Variants in ELAC2 observed in about 807,000 individuals in gnomAD.
The protein encoded by ELAC2 is elaC ribonuclease Z 2, also known as zinc phosphodiesterase ELAC protein 2.
A neutral mutation model predicts 105.2 loss-of-function variants in ELAC2; 92 were observed. The observed-to-expected ratio is 0.87, with a 90% CI of 0.74 to 1.04. The LOEUF (loss-of-function observed/expected upper bound fraction) is 1.04, where lower values mean the gene tolerates loss of function less well. ELAC2 is among the 50% of genes least tolerant of loss of function. The pLI is 0.00. For missense variants in ELAC2, 1,099 were observed against 1,071.7 expected (o/e 1.03, Z -0.36); for synonymous variants, 468 against 409.1 (o/e 1.14, Z -1.74).
Position 12,995,954 on chromosome 17 carries a change from T to C in ELAC2, c.1684A>G (p.Arg562Gly), listed in dbSNP as rs1238775950. ...HTGLPSILLQ[R>G]ERALASLGKP... ...GCCACACTTACCAAGGCGCGTTCTC[T>C]CTGCAGCAAGATACTTGGCAAGCCC... The change falls in exon 18 of 24, where the codon AGA (arginine) becomes GGA (glycine). Residue 562 changes from arginine (R) to glycine (G), a missense_variant. Transcript: ENST00000338034. 2 of 1,596,686 alleles carry C rather than the reference T, an allele frequency of 1.3e-6. No individual in the cohort carries two copies. Among genetic ancestry groups the C allele is most frequent in the Non-Finnish European group, 1.7e-6 (2 of 1,170,292 alleles).
At chr17:13,013,773 G>T (rs538930961) in intron 5 of ELAC2, among the ~76,000 whole-genome samples, 15 of 152,278 alleles carry the variant, frequency 9.9e-5, no homozygotes, top group Admixed American at 3.3e-4. Context: ...TGCGCAGCTG[G>T]AGCTGCGTTT....
intron 11 of ELAC2, among the ~76,000 whole-genome samples, chr17:13,004,379 G>A (rs1237834799): frequency 6.6e-6 from 1 of 152,186 alleles, no homozygotes. Context: ...AATACAGATA[G>A]ATACAAACTA....
At chr17:12,994,330 G>A in intron 22 of ELAC2, 95 bp downstream of exon 22, 1 of 1,368,060 alleles carries the variant, frequency 7.3e-7, no homozygotes, top group South Asian at 1.2e-5. Flanking sequence ...AAGCAGGGCA[G>A]CCCCACATCA....
chr17:13,017,475 G>C (rs1407764187), intron 1 of ELAC2: 1 of 913,084 alleles, frequency 1.1e-6, no homozygotes, highest in Non-Finnish European at 1.6e-6. Context: ...GGGCCCAAGG[G>C]TTGGGAAAAG....
In ELAC2 at chr17:12,992,119, CTGATTGATT is replaced by C. The variant is rs1567735367; in HGVS notation, c.*690_*698del. On this transcript the variant is annotated 3_prime_UTR_variant, in exon 24 of 24. Transcript: ENST00000338034. ...TGACACCAGCCCAGCCAGGCTCTCA[CTGATTGATT>C]TGATTGATTGATTGATTGATTGATA... Among the ~76,000 whole-genome samples the C allele has an allele frequency of 1.4e-5, 2 of 144,540 alleles. No individual in the cohort carries two copies. Among genetic ancestry groups the C allele is most frequent in the African/African-American group, 5.1e-5 (2 of 39,522 alleles). The allele number at this position is 144,540 out of a possible 152,430, so 94.8% of individuals were successfully genotyped here.
chr17:13,005,307 C>G (rs1001576875), intron 10 of ELAC2, among the ~76,000 whole-genome samples: 2 of 152,218 alleles, frequency 1.3e-5, no homozygotes, highest in African/African-American at 4.8e-5. Flanking sequence ...TGAGGCACTT[C>G]AGGCCTACAC....
In ELAC2 at chr17:12,992,775, G is replaced by A. The variant is rs1355481825; in HGVS notation, c.*43C>T. 2 of 1,600,542 alleles carry A rather than the reference G, an allele frequency of 1.2e-6. No homozygotes were observed. The highest frequency in any genetic ancestry group is 8.6e-7 in the Non-Finnish European group (1 of 1,168,300). ...GGGCAGATACGGGTGCGTGCGTGGGGCAGAAGACACACAGCCTTCTGAGTT... is the reference window on the plus strand; with the variant it reads ...GGGCAGATACGGGTGCGTGCGTGGGACAGAAGACACACAGCCTTCTGAGTT... On this transcript the variant is annotated 3_prime_UTR_variant, in exon 24 of 24. Coordinates refer to ENST00000338034, the MANE Select transcript of ELAC2 (RefSeq NM_018127.7).
At chr17:13,013,648 G>A (rs969753932) in intron 5 of ELAC2, among the ~76,000 whole-genome samples, 8 of 152,170 alleles carry the variant, frequency 5.3e-5, no homozygotes, top group Non-Finnish European at 1.0e-4. Flanking sequence ...CAAAGTATTA[G>A]TGTTTCTATA....
intron 19 of ELAC2, 29 bp from the exon 20 acceptor site, chr17:12,995,091 TAATA>T: frequency 6.2e-7 from 1 of 1,611,074 alleles, no homozygotes; most frequent in South Asian, 1.1e-5. Flanking sequence ...TTTAAAATGA[TAATA>T]AACGTTTCTT....
intron 10 of ELAC2, 102 bp downstream of exon 10, chr17:13,005,651 G>A (rs1001901673): frequency 7.8e-5 from 92 of 1,179,642 alleles, no homozygotes; most frequent in Non-Finnish European, 1.1e-4. Context: ...ACTGTTCCAC[G>A]TCCTTCAAAA....
Position 13,017,669 on chromosome 17 carries a change from G to C in ELAC2, c.245+34C>G, listed in dbSNP as rs765428656. The C allele has an allele frequency of 1.9e-6, 3 of 1,613,144 alleles. No homozygotes were observed. The South Asian group carries it at 3.3e-5, about 18-fold the overall frequency. ...GCTCAGAGGCTGCGCCGCACTGAGGGCCCAGCGGGACGGGGCGTGGCTCGT... is the reference window on the plus strand; with the variant it reads ...GCTCAGAGGCTGCGCCGCACTGAGGCCCCAGCGGGACGGGGCGTGGCTCGT... On this transcript the variant is annotated intron_variant, in intron 1 of 23. Coordinates refer to ENST00000338034, the MANE Select transcript of ELAC2 (RefSeq NM_018127.7).
chr17:13,003,357 C>A, intron 12 of ELAC2, 122 bp downstream of exon 12: 1 of 931,362 alleles, frequency 1.1e-6, no homozygotes. Flanking sequence ...GCAGGAATCC[C>A]ACAGAAAGTT....
At position 13,003,517 on chromosome 17, in the gene ELAC2, A is replaced by G; in HGVS notation, c.1041T>C (p.Ser347=). 1.2e-6 allele frequency: 2 copies of G among 1,614,196 alleles called. No individual in the cohort carries two copies. The highest frequency in any genetic ancestry group is 4.5e-5 in the East Asian group (2 of 44,882). ...GCTGGTACCTGCTGTCCACAAGCAC[A>G]GATGCTGGGGCCATGTGAACCACCA... ...VALVVHMAPA[S]VLVDSRYQQW... The change falls in exon 12 of 24, where the codon TCT becomes TCC. Residue 347 remains serine, a synonymous_variant. Transcript: ENST00000338034.
Position 13,011,799 on chromosome 17 carries a change from C to G in ELAC2, c.560-17G>C. On this transcript the variant is annotated splice_polypyrimidine_tract_variant and intron_variant, in intron 6 of 23. Coordinates refer to ENST00000338034, the MANE Select transcript of ELAC2 (RefSeq NM_018127.7). ...TCTGTTCACCTGGTCAGTACAGATA[C>G]CACCAAATTACACACTGCACAAGGT... is the stretch of plus-strand genomic sequence containing the variant. 6.2e-7 allele frequency: 1 copy of G among 1,614,074 alleles called. No homozygotes were observed. The highest frequency in any genetic ancestry group is 8.5e-7 in the Non-Finnish European group (1 of 1,180,016).
intron 8 of ELAC2, among the ~76,000 whole-genome samples, chr17:13,007,923 G>T (rs2041199997): frequency 6.6e-6 from 1 of 151,848 alleles, no homozygotes; most frequent in East Asian, 1.9e-4. Flanking sequence ...ATTGAAGGCT[G>T]GGCATGGTGG....
chr17:12,995,562 C>G (rs2040426378), intron 19 of ELAC2, 141 bp downstream of exon 19: 1 of 785,206 alleles, frequency 1.3e-6, no homozygotes, highest in Non-Finnish European at 2.2e-6. Context: ...ATGCACTTCT[C>G]CCCTGCTTCT....
At position 12,991,869 on chromosome 17, in the gene ELAC2, T is replaced by TTTAC. The variant is rs138282803; in HGVS notation, c.*945_*948dup. Among the ~76,000 whole-genome samples, 1,273 of 127,342 alleles carry TTTAC rather than the reference T, an allele frequency of 1.0e-2. 18 individuals carry two copies. The highest frequency in any genetic ancestry group is 0.029 in the African/African-American group (1,165 of 39,700). 83.5% of individuals were successfully genotyped at this position (127,342 alleles called of 152,430 possible). On this transcript the variant is annotated 3_prime_UTR_variant, in exon 24 of 24. Transcript: ENST00000338034. Reference sequence around the variant, plus strand: ...TCAACTTACTTACTTACTTACTTACTTTACTTACTTACTTCCTTGGAAAAT... The same window carrying TTTAC: ...TCAACTTACTTACTTACTTACTTACTTTACTTACTTACTTACTTCCTTGGAAAAT...
chr17:13,012,621 C>G (rs1230356865), intron 6 of ELAC2, among the ~76,000 whole-genome samples: 2 of 152,206 alleles, frequency 1.3e-5, no homozygotes, highest in African/African-American at 4.8e-5. Flanking sequence ...ATCAGCACTA[C>G]TTAGTAAGCA....
At chr17:13,003,704 A>G in intron 11 of ELAC2, 130 bp from the exon 12 acceptor site, 4 of 789,842 alleles carry the variant, frequency 5.1e-6, no homozygotes, top group East Asian at 2.7e-5. Flanking sequence ...CTCCACGCCC[A>G]GGCCATGCTC....
Sources: allele counts gnomAD v4.1 joint callset (sites outside exome capture counted in the v4.1 genomes callset), GRCh38; gene constraint gnomAD v4.1.1; transcripts MANE v1.5; gene names NCBI Gene and HGNC (gene_info 2026-07-23, HGNC 2026-07-21).